Variants in TNFRSF21 observed in about 807,000 individuals in gnomAD.
TNFRSF21 encodes tumor necrosis factor receptor superfamily member 21.
TNFRSF21 carries 19 observed loss-of-function variants against 45.6 expected under a neutral mutation model. The ratio of observed to expected loss-of-function variants is 0.42; its 90% confidence interval spans 0.29 to 0.61. The LOEUF is 0.61. TNFRSF21 is among the 20% of genes least tolerant of loss of function. The probability of loss-of-function intolerance (pLI) is 0.23; values close to 1 mark genes in which losing one functional copy is unlikely to be tolerated. For synonymous variants in TNFRSF21, 314 were observed against 335.5 expected (o/e 0.94, Z 0.70); for missense variants, 737 against 851.5 (o/e 0.87, Z 1.67).
At chr6:47,295,072 C>G (rs762769823) in intron 1 of TNFRSF21, among the ~76,000 whole-genome samples, 16 of 152,026 alleles carry the variant, frequency 1.1e-4, no homozygotes, top group Non-Finnish European at 1.6e-4. Context: ...AAAGGTAAAC[C>G]CAGAACAACA....
At chr6:47,296,053 G>A (rs553207999) in intron 1 of TNFRSF21, among the ~76,000 whole-genome samples, 19 of 152,246 alleles carry the variant, frequency 1.2e-4, no homozygotes, top group Admixed American at 7.8e-4. Flanking sequence ...ATCTCCTTCC[G>A]TGTCCTTAGA....
rs755439002 is a variant in TNFRSF21 at position 47,232,938 on chromosome 6, T to C, written c.1795A>G (p.Ile599Val). Reference sequence around the variant, plus strand: ...AGAAAGTGGAGCATGTCATCAAAGATAGGCTGCAAGTCACAGGGGTCCAGG... The same window carrying C: ...AGAAAGTGGAGCATGTCATCAAAGACAGGCTGCAAGTCACAGGGGTCCAGG... ...VRLDPCDLQP[I>V]FDDMLHFLNP... Residue 599 changes from isoleucine to valine, a missense_variant, in exon 6 of 6, where the codon ATC becomes GTC. Coordinates refer to ENST00000296861, the MANE Select transcript of TNFRSF21 (RefSeq NM_014452.5). The C allele has an allele frequency of 4.3e-6, 7 of 1,614,024 alleles. No homozygotes were observed. The highest frequency in any genetic ancestry group is 1.6e-4 in the Middle Eastern group (1 of 6,084).
chr6:47,253,314 T>A lies in TNFRSF21; in HGVS notation c.1451A>T (p.Gln484Leu). 6.2e-7 allele frequency: 1 copy of A among 1,613,936 alleles called. No individual in the cohort carries two copies. Among genetic ancestry groups the A allele is most frequent in the Non-Finnish European group, 8.5e-7 (1 of 1,179,934 alleles). Residue 484 changes from glutamine (Q) to leucine (L), a missense_variant, in exon 4 of 6, where the codon CAG becomes CTG. By Grantham distance (113) the Gln-to-Leu change is moderately radical. Transcript: ENST00000296861. ...SLAQLISALR[Q>L]HRRNDVVEKI... The stretch of plus-strand genomic sequence containing the variant: ...CTCCACAACATCGTTTCTCCGGTGC[T>A]GGCGCAGGGCGCTAATTAGCTGGGC...
At chr6:47,240,745 C>T (rs1299193259) in intron 4 of TNFRSF21, among the ~76,000 whole-genome samples, 1 of 152,196 alleles carries the variant, frequency 6.6e-6, no homozygotes, top group Non-Finnish European at 1.5e-5. Flanking sequence ...GGCAGACTTA[C>T]ACTCCAGCTG....
chr6:47,306,570 T>A (rs1422613052), intron 1 of TNFRSF21, among the ~76,000 whole-genome samples: 2 of 152,202 alleles, frequency 1.3e-5, no homozygotes, highest in Non-Finnish European at 2.9e-5. Context: ...AGATACTGTA[T>A]ACAAAGCACC....
chr6:47,290,529 C>T (rs942270887), intron 1 of TNFRSF21, among the ~76,000 whole-genome samples: 105 of 152,168 alleles, frequency 6.9e-4, no homozygotes, highest in African/African-American at 2.3e-3. Flanking sequence ...CCAAACCCCA[C>T]AGCCCCAACA....
intron 1 of TNFRSF21, among the ~76,000 whole-genome samples, chr6:47,303,246 C>A (rs1330387766): frequency 6.6e-6 from 1 of 152,208 alleles, no homozygotes; most frequent in Non-Finnish European, 1.5e-5. Context: ...AGGAGACGAA[C>A]AAATAGAAAA....
chr6:47,237,951 G>A (rs1582313053), intron 4 of TNFRSF21, among the ~76,000 whole-genome samples: 6 of 152,264 alleles, frequency 3.9e-5, no homozygotes, highest in African/African-American at 1.2e-4. Flanking sequence ...TTGGGAGTCT[G>A]AGGCAGGAGA....
At chr6:47,291,497 T>C (rs1446787612) in intron 1 of TNFRSF21, among the ~76,000 whole-genome samples, 1 of 152,000 alleles carries the variant, frequency 6.6e-6, no homozygotes, top group South Asian at 2.1e-4. Context: ...CGGTGACAGA[T>C]TTGAGGGCTC....
Position 47,234,913 on chromosome 6 carries a change from A to G in TNFRSF21, c.1510-15T>C. On this transcript the variant is annotated splice_polypyrimidine_tract_variant and intron_variant, in intron 4 of 5. Transcript: ENST00000296861. ...TCAGTTTCCAGCTGTAGGAGGGAAA[A>G]TTTTTTTTTATTATATATAGAAAAA... 1 of 1,299,794 alleles carries G rather than the reference A, an allele frequency of 7.7e-7. No homozygotes were observed. The highest frequency in any genetic ancestry group is 9.9e-7 in the Non-Finnish European group (1 of 1,010,604). 80.5% of individuals were successfully genotyped at this position (1,299,794 alleles called of 1,614,324 possible).
In TNFRSF21 at chr6:47,284,018, A is replaced by G. The variant is rs1279167933; in HGVS notation, c.1163T>C (p.Ile388Thr). 2 of 1,614,142 alleles carry G rather than the reference A, an allele frequency of 1.2e-6. No individual in the cohort carries two copies. The highest frequency in any genetic ancestry group is 1.1e-5 in the South Asian group (1 of 91,064). The change falls in exon 3 of 6, where the codon ATT (isoleucine) becomes ACT (threonine). Residue 388 changes from isoleucine (I) to threonine (T), a missense_variant. Transcript: ENST00000296861. ...KKGPRQDPSAIVEKAGLKKSM... is the reference protein window; with the variant it reads ...KKGPRQDPSATVEKAGLKKSM... Reference sequence around the variant, plus strand: ...TTTCTTCAGCCCTGCCTTTTCCACAATGGCACTGGGATCCTGCCGGGGCCC... The same window carrying G: ...TTTCTTCAGCCCTGCCTTTTCCACAGTGGCACTGGGATCCTGCCGGGGCCC...
At chr6:47,287,084 G>A (rs1762660485) in intron 1 of TNFRSF21, among the ~76,000 whole-genome samples, 1 of 152,034 alleles carries the variant, frequency 6.6e-6, no homozygotes, top group Non-Finnish European at 1.5e-5. Context: ...AAGGCACGCA[G>A]ATCACCTGAG....
At chr6:47,239,521 C>T (rs939635352) in intron 4 of TNFRSF21, among the ~76,000 whole-genome samples, 2 of 152,114 alleles carry the variant, frequency 1.3e-5, no homozygotes, top group African/African-American at 4.8e-5. Flanking sequence ...GATTTCGAGG[C>T]AGCAAGATCT....
At chr6:47,309,228 T>C (rs1762982123) in intron 1 of TNFRSF21, among the ~76,000 whole-genome samples, 188 bp downstream of exon 1, 2 of 152,108 alleles carry the variant, frequency 1.3e-5, no homozygotes. Flanking sequence ...AGCCCTGAGA[T>C]TCCCCCAAAT....
chr6:47,309,447 G>A lies in TNFRSF21; in HGVS notation c.65C>T (p.Thr22Ile). 2 of 1,549,624 alleles carry A rather than the reference G, an allele frequency of 1.3e-6. No individual in the cohort carries two copies. Among genetic ancestry groups the A allele is most frequent in the Non-Finnish European group, 1.7e-6 (2 of 1,155,250 alleles). ...ASCSRIARRA[T>I]ATMIAGSLLL... is the part of the protein sequence containing the mutation. ...AAGGGAGCCCGCGATCATCGTGGCT[G>A]TGGCTCGGCGGGCGATGCGGCTGCA... is the stretch of plus-strand genomic sequence containing the variant. The change falls in exon 1 of 6, where the codon ACA (threonine) becomes ATA (isoleucine). Residue 22 changes from threonine (T) to isoleucine (I), a missense_variant. Transcript: ENST00000296861.
At chr6:47,306,816 G>T (rs1334347480) in intron 1 of TNFRSF21, among the ~76,000 whole-genome samples, 1 of 152,072 alleles carries the variant, frequency 6.6e-6, no homozygotes, top group African/African-American at 2.4e-5. Flanking sequence ...ATAATAAATA[G>T]AACATTTTAC....
chr6:47,236,872 C>G (rs1764670906), intron 4 of TNFRSF21, among the ~76,000 whole-genome samples: 1 of 152,164 alleles, frequency 6.6e-6, no homozygotes, highest in Non-Finnish European at 1.5e-5. Context: ...ATATAGTACA[C>G]TGTTCTTGCT....
intron 3 of TNFRSF21, among the ~76,000 whole-genome samples, chr6:47,282,156 C>A (rs1292445932): frequency 6.6e-6 from 1 of 152,038 alleles, no homozygotes; most frequent in Non-Finnish European, 1.5e-5. Context: ...GAGGCCGAGG[C>A]GGGCGGATCA....
chr6:47,309,451 C>T lies in TNFRSF21; in HGVS notation c.61G>A (p.Ala21Thr). The change falls in exon 1 of 6, where the codon GCC becomes ACC. Residue 21 changes from alanine to threonine, a missense_variant. Physicochemically the swap from Ala to Thr is moderately conservative, Grantham distance 58. Coordinates refer to ENST00000296861, the MANE Select transcript of TNFRSF21 (RefSeq NM_014452.5). ...LASCSRIARR[A>T]TATMIAGSLL... ...GAGCCCGCGATCATCGTGGCTGTGG[C>T]TCGGCGGGCGATGCGGCTGCAGGAG... is the stretch of plus-strand genomic sequence containing the variant. The T allele has an allele frequency of 6.5e-7, 1 of 1,537,038 alleles. No individual in the cohort carries two copies. The highest frequency in any genetic ancestry group is 1.8e-4 in the Middle Eastern group (1 of 5,464).
Sources: gnomAD v4.1 joint callset for allele counts (sites outside exome capture counted in the v4.1 genomes callset) on GRCh38, gnomAD v4.1.1 for gene constraint, MANE v1.5 for transcripts, NCBI Gene and HGNC (gene_info 2026-07-23, HGNC 2026-07-21) for gene names.